OPN3: variants seen among roughly 807,000 people sequenced by gnomAD.
OPN3 encodes opsin-3.
In OPN3, 29 loss-of-function variants were observed where a neutral mutation model predicts 33.8. That is an observed-to-expected ratio of 0.86 (90% CI 0.64 to 1.17). The LOEUF (loss-of-function observed/expected upper bound fraction) is 1.17. Ranked by LOEUF, OPN3 falls within the 50% of genes most tolerant of loss-of-function variation. The probability of loss-of-function intolerance (pLI) is 0.00; values close to 1 mark genes in which losing one functional copy is unlikely to be tolerated. For missense variants in OPN3, 437 were observed against 514.1 expected (o/e 0.85, Z 1.45); for synonymous variants, 216 against 216.1 (o/e 1.00, Z 0.00).
intron 1 of OPN3, among the ~76,000 whole-genome samples, chr1:241,618,204 C>T (rs1469872820): frequency 2.6e-5 from 4 of 152,122 alleles, no homozygotes; most frequent in Non-Finnish European, 4.4e-5. Flanking sequence ...CTTTGATGTT[C>T]AATTTAACAC....
At chr1:241,637,579 C>T (rs1314029645) in intron 1 of OPN3, among the ~76,000 whole-genome samples, 1 of 152,138 alleles carries the variant, frequency 6.6e-6, no homozygotes, top group African/African-American at 2.4e-5. Flanking sequence ...CTTAGAAAGA[C>T]AGGGCTCAGG....
chr1:241,635,807 G>A (rs1664876383), intron 1 of OPN3: 3 of 1,554,338 alleles, frequency 1.9e-6, no homozygotes, highest in African/African-American at 2.7e-5. Context: ...GCTGATGAAA[G>A]AAATGAGGTG....
rs766114693 is a variant in OPN3 at position 241,594,595 on chromosome 1, T to G, written c.1042A>C (p.Arg348=). ...LPAAGSEMQI[R]PIVMSQKDGD... ...TCTTTCTGTGACATCACAATGGGTC[T>G]GATCTGCATTTCACTTCCAGCTGCT... The change falls in exon 4 of 4, where the codon AGA becomes CGA. Residue 348 remains arginine, a synonymous_variant. Transcript: ENST00000366554. 1 of 1,614,148 alleles carries G rather than the reference T, an allele frequency of 6.2e-7. No individual in the cohort carries two copies. The highest frequency in any genetic ancestry group is 8.5e-7 in the Non-Finnish European group (1 of 1,180,004).
In OPN3 at chr1:241,594,494, C is replaced by G. The variant is rs778423135; in HGVS notation, c.1143G>C (p.Leu381=). 14 of 1,614,088 alleles carry G rather than the reference C, an allele frequency of 8.7e-6. No homozygotes were observed. The highest frequency in any genetic ancestry group is 6.6e-5 in the South Asian group (6 of 91,078). The change falls in exon 4 of 4, where the codon CTG becomes CTC. Residue 381 remains leucine (L), a synonymous_variant. Coordinates refer to ENST00000366554, the MANE Select transcript of OPN3 (RefSeq NM_014322.3). ...TGGTTTTGTCGCTGTCGTCAACTGA[C>G]AGTGATTCATCACTGGTGATGATAA... ...IIFIITSDES[L]SVDDSDKTNG...
chr1:241,614,509 T>G (rs1434703061), intron 1 of OPN3, among the ~76,000 whole-genome samples: 1 of 152,248 alleles, frequency 6.6e-6, no homozygotes, highest in Non-Finnish European at 1.5e-5. Flanking sequence ...TTGCCATAGT[T>G]GTTAAAACAT....
chr1:241,620,472 G>A (rs1206748966), intron 1 of OPN3, among the ~76,000 whole-genome samples: 1 of 152,058 alleles, frequency 6.6e-6, no homozygotes, highest in Non-Finnish European at 1.5e-5. Context: ...GTTGTAAGAG[G>A]CCACAGAGCT....
chr1:241,617,000 T>C (rs952330941), intron 1 of OPN3, among the ~76,000 whole-genome samples: 9 of 152,258 alleles, frequency 5.9e-5, no homozygotes, highest in Non-Finnish European at 2.9e-5. Flanking sequence ...TCATCTCTTA[T>C]TCTCTAATCA....
In OPN3 at chr1:241,594,399, G is replaced by A; in HGVS notation, c.*29C>T. On this transcript the variant is annotated 3_prime_UTR_variant, in exon 4 of 4. Transcript: ENST00000366554. Reference sequence around the variant, plus strand: ...GTCCAAAAGTGGCATCCAATTTAAGGCCCCATCTTTCGTTGCCATTCTTCA... The same window carrying A: ...GTCCAAAAGTGGCATCCAATTTAAGACCCCATCTTTCGTTGCCATTCTTCA... The A allele has an allele frequency of 1.9e-6, 3 of 1,599,376 alleles. No individual in the cohort carries two copies. The highest frequency in any genetic ancestry group is 2.2e-5 in the South Asian group (2 of 88,890).
intron 1 of OPN3, chr1:241,629,302 C>A (rs976755847): frequency 1.4e-4 from 22 of 152,104 alleles, no homozygotes; most frequent in Admixed American, 4.6e-4. Context: ...TAGTCTTCTA[C>A]ACAGTTCTCT....
intron 1 of OPN3, among the ~76,000 whole-genome samples, chr1:241,636,417 C>T (rs773027451): frequency 6.6e-6 from 1 of 152,198 alleles, no homozygotes; most frequent in African/African-American, 2.4e-5. Flanking sequence ...CTAAAAGGAA[C>T]GCATGGCTCC....
intron 3 of OPN3, among the ~76,000 whole-genome samples, chr1:241,595,945 C>T (rs767664415): frequency 6.6e-6 from 1 of 152,110 alleles, no homozygotes; most frequent in Non-Finnish European, 1.5e-5. Flanking sequence ...GGACAAGGAC[C>T]GTTGTTTTTA....
chr1:241,620,013 CA>C (rs1664232987), intron 1 of OPN3, among the ~76,000 whole-genome samples: 1 of 142,056 alleles, frequency 7.0e-6, no homozygotes, highest in Non-Finnish European at 1.5e-5. Context: ...TTTGAAATGC[CA>C]AATGAGACAT....
intron 1 of OPN3, among the ~76,000 whole-genome samples, chr1:241,612,971 G>T (rs1333438391): frequency 6.6e-6 from 1 of 152,128 alleles, no homozygotes; most frequent in Non-Finnish European, 1.5e-5. Flanking sequence ...ACTCAATCAT[G>T]GCTGTTACCG....
chr1:241,625,588 A>C (rs1345652045), intron 1 of OPN3, among the ~76,000 whole-genome samples: 1 of 152,174 alleles, frequency 6.6e-6, no homozygotes, highest in Non-Finnish European at 1.5e-5. Context: ...TCATATTCAA[A>C]ACTTTTGTTT....
intron 1 of OPN3, chr1:241,634,396 T>C (rs1305498550): frequency 9.9e-6 from 16 of 1,613,784 alleles, no homozygotes; most frequent in African/African-American, 2.7e-5. Context: ...TAATGAGTAC[T>C]GCCCTAGAGA....
chr1:241,625,689 G>A (rs1664399931), intron 1 of OPN3, among the ~76,000 whole-genome samples: 1 of 152,204 alleles, frequency 6.6e-6, no homozygotes, highest in Non-Finnish European at 1.5e-5. Flanking sequence ...CTATATGGGA[G>A]CAGCAAAGAC....
Position 241,635,395 on chromosome 1 carries a change from A to G in OPN3, c.373+4487T>C, listed in dbSNP as rs371169855. The G allele has an allele frequency of 4.3e-6, 7 of 1,613,928 alleles. No individual in the cohort carries two copies. In the African/African-American group the frequency reaches 8.0e-5, roughly 18 times the overall value. On this transcript the variant is annotated intron_variant, in intron 1 of 3. Coordinates refer to ENST00000366554, the MANE Select transcript of OPN3 (RefSeq NM_014322.3). The stretch of plus-strand genomic sequence containing the variant: ...CAGTGAAGGTATTAGACACCCCCAA[A>G]GAAGGATTTTTCTGCAGAGCACCAA...
chr1:241,610,130 A>T (rs1216247218), intron 1 of OPN3, among the ~76,000 whole-genome samples: 6 of 152,256 alleles, frequency 3.9e-5, no homozygotes, highest in African/African-American at 1.4e-4. Context: ...TCTCGTTGGC[A>T]TATCATTAGG....
chr1:241,613,201 G>T (rs1478242956), intron 1 of OPN3, among the ~76,000 whole-genome samples: 4 of 152,098 alleles, frequency 2.6e-5, no homozygotes, highest in African/African-American at 7.2e-5. Context: ...AACACTTATA[G>T]AGAGTACTTA....
Sources: gnomAD v4.1 joint callset for allele counts (sites outside exome capture counted in the v4.1 genomes callset) on GRCh38, gnomAD v4.1.1 for gene constraint, MANE v1.5 for transcripts, NCBI Gene and HGNC (gene_info 2026-07-23, HGNC 2026-07-21) for gene names.